SNX29: variants seen among roughly 807,000 people sequenced by gnomAD.
SNX29 encodes sorting nexin-29.
A neutral mutation model predicts 102.1 loss-of-function variants in SNX29; 78 were observed. That is an observed-to-expected ratio of 0.76 (90% confidence interval 0.64 to 0.92). The LOEUF is 0.92. Among genes scored for constraint, SNX29 ranks in the 40% least tolerant of loss-of-function variants. The pLI is 0.00. For missense variants in SNX29, 1,280 were observed against 1,061.7 expected (o/e 1.21, Z -2.86); for synonymous variants, 580 against 414.5 (o/e 1.40, Z -4.85).
At chr16:12,147,010 A>G (rs752294072) in intron 13 of SNX29, among the ~76,000 whole-genome samples, 1 of 152,238 alleles carries the variant, frequency 6.6e-6, no homozygotes, top group African/African-American at 2.4e-5. Flanking sequence ...GGAGAAAGCC[A>G]TGTGCTTGTT....
chr16:12,280,577 AGCT>A lies in SNX29; in HGVS notation c.1782+2543_1782+2545del, dbSNP rs534845317. 2.2e-3 allele frequency among the ~76,000 whole-genome samples: 332 copies of A among 152,142 alleles called. 2 individuals carry two copies. Among genetic ancestry groups the A allele is most frequent in the African/African-American group, 7.7e-3 (319 of 41,492 alleles). On this transcript the variant is annotated intron_variant, in intron 15 of 20. Transcript: ENST00000566228. ...GTAGAGATGCTGGCTGTGGTCAACG[AGCT>A]GAGAGAAGTGTGAGGTTGAAGCAGA...
intron 11 of SNX29, among the ~76,000 whole-genome samples, chr16:12,125,171 A>C (rs1167061307): frequency 6.6e-6 from 1 of 152,156 alleles, no homozygotes; most frequent in Non-Finnish European, 1.5e-5. Flanking sequence ...AGAGTCACAA[A>C]ACAGCCAATG....
chr16:12,561,749 T>C (rs1268197144), intron 20 of SNX29, among the ~76,000 whole-genome samples: 1 of 151,816 alleles, frequency 6.6e-6, no homozygotes, highest in African/African-American at 2.4e-5. Context: ...GGAGATGGAG[T>C]TTCTGAAATG....
At chr16:12,180,644 CGGCTAATTTTTTAA>C (rs2076362522) in intron 13 of SNX29, among the ~76,000 whole-genome samples, 1 of 152,052 alleles carries the variant, frequency 6.6e-6, no homozygotes, top group Non-Finnish European at 1.5e-5. Context: ...CCACCACGTC[CGGCTAATTTTTTAA>C]ATATTTTTAG....
At chr16:12,476,423 T>TATATATATACAC (rs1185856796) in intron 18 of SNX29, among the ~76,000 whole-genome samples, 1 of 74,022 alleles carries the variant, frequency 1.4e-5, no homozygotes, top group Non-Finnish European at 2.6e-5. Context: ...CATATATATA[T>TATATATATACAC]ATATATATAT....
intron 18 of SNX29, among the ~76,000 whole-genome samples, chr16:12,419,568 C>A (rs527477902): frequency 2.8e-4 from 42 of 151,800 alleles, no homozygotes; most frequent in South Asian, 1.1e-3. Flanking sequence ...CTCAGCCCCC[C>A]CCCCCATCTT....
At chr16:12,356,451 A>G (rs1257754954) in intron 16 of SNX29, among the ~76,000 whole-genome samples, 172 bp downstream of exon 16, 1 of 152,220 alleles carries the variant, frequency 6.6e-6, no homozygotes, top group Non-Finnish European at 1.5e-5. Flanking sequence ...TAGAATAAGT[A>G]AAATGTTACA....
At chr16:12,420,254 C>G (rs1290378656) in intron 18 of SNX29, among the ~76,000 whole-genome samples, 1 of 152,210 alleles carries the variant, frequency 6.6e-6, no homozygotes, top group Non-Finnish European at 1.5e-5. Context: ...GATGAATAGA[C>G]AACTGAAATG....
chr16:12,318,683 A>T (rs2080833995), intron 15 of SNX29, among the ~76,000 whole-genome samples: 1 of 151,818 alleles, frequency 6.6e-6, no homozygotes, highest in African/African-American at 2.4e-5. Flanking sequence ...CAAGATGCAG[A>T]TGAACTGGGA....
intron 18 of SNX29, among the ~76,000 whole-genome samples, chr16:12,417,380 C>G (rs549896861): frequency 3.9e-5 from 6 of 152,268 alleles, no homozygotes; most frequent in African/African-American, 1.4e-4. Context: ...GTCTGGCTCA[C>G]CTGGTCTCCC....
At chr16:12,556,770 G>C (rs1400380311) in intron 20 of SNX29, among the ~76,000 whole-genome samples, 3 of 152,164 alleles carry the variant, frequency 2.0e-5, no homozygotes, top group Non-Finnish European at 4.4e-5. Flanking sequence ...CAGAGTTCTG[G>C]TTTGAGCATT....
intron 14 of SNX29, among the ~76,000 whole-genome samples, chr16:12,203,988 G>C (rs536972680): frequency 6.6e-6 from 1 of 152,104 alleles, no homozygotes; most frequent in Non-Finnish European, 1.5e-5. Context: ...CCTTGGCCTG[G>C]CACCTTACCT....
At chr16:12,402,151 C>T (rs897061495) in intron 17 of SNX29, among the ~76,000 whole-genome samples, 1 of 152,210 alleles carries the variant, frequency 6.6e-6, no homozygotes, top group African/African-American at 2.4e-5. Flanking sequence ...GTACAAATTG[C>T]CTTGAGCCCT....
At chr16:12,473,221 G>C (rs1247565583) in intron 18 of SNX29, among the ~76,000 whole-genome samples, 1 of 152,200 alleles carries the variant, frequency 6.6e-6, no homozygotes, top group African/African-American at 2.4e-5. Flanking sequence ...TTAATTTGCA[G>C]AGAAAGTTTC....
intron 14 of SNX29, among the ~76,000 whole-genome samples, chr16:12,253,177 C>T (rs1223952270): frequency 6.6e-6 from 1 of 152,088 alleles, no homozygotes; most frequent in African/African-American, 2.4e-5. Context: ...GCAGAGGTGG[C>T]GAGACAGTCA....
intron 20 of SNX29, among the ~76,000 whole-genome samples, chr16:12,533,889 A>T (rs2076998464): frequency 6.6e-6 from 1 of 152,216 alleles, no homozygotes; most frequent in Non-Finnish European, 1.5e-5. Flanking sequence ...GACCTTTTCA[A>T]GACGTGGCAG....
At chr16:12,549,911 A>C (rs1008875607) in intron 20 of SNX29, among the ~76,000 whole-genome samples, 14 of 152,236 alleles carry the variant, frequency 9.2e-5, no homozygotes, top group Admixed American at 9.2e-4. Context: ...GATGGCCCAC[A>C]GGCCAAATCT....
At chr16:12,163,247 C>G (rs530244514) in intron 13 of SNX29, among the ~76,000 whole-genome samples, 1 of 152,186 alleles carries the variant, frequency 6.6e-6, no homozygotes, top group Non-Finnish European at 1.5e-5. Flanking sequence ...TTGGGTCACC[C>G]TGCTGAGAAA....
At chr16:12,229,953 T>C (rs181136224) in intron 14 of SNX29, among the ~76,000 whole-genome samples, 2 of 152,236 alleles carry the variant, frequency 1.3e-5, no homozygotes, top group African/African-American at 4.8e-5. Context: ...GGCTGGATAG[T>C]AAATATTTTT....
Sources: gnomAD v4.1 joint callset for allele counts (sites outside exome capture counted in the v4.1 genomes callset) on GRCh38, gnomAD v4.1.1 for gene constraint, MANE v1.5 for transcripts, NCBI Gene and HGNC (gene_info 2026-07-23, HGNC 2026-07-21) for gene names.